The following USF3 variants were observed in gnomAD, a reference collection of about 807,000 sequenced individuals.
USF3 encodes the protein upstream transcription factor family member 3.
Under a neutral mutation model 157.5 loss-of-function variants are expected in USF3, and 29 were observed. The observed-to-expected ratio is 0.18, with a 90% confidence interval of 0.14 to 0.25. USF3 has a LOEUF of 0.25. Among genes scored for constraint, USF3 ranks in the 10% least tolerant of loss-of-function variants. USF3 has a pLI of 1.00. For missense variants in USF3, 2,381 were observed against 2,667.6 expected (o/e 0.89, Z 2.37); for synonymous variants, 893 against 941.4 (o/e 0.95, Z 0.94).
At chr3:113,684,372 T>C (rs1184662869) in intron 1 of USF3, among the ~76,000 whole-genome samples, 1 of 152,126 alleles carries the variant, frequency 6.6e-6, no homozygotes, top group African/African-American at 2.4e-5. Flanking sequence ...TATAACCTCC[T>C]TGGACTTGAA....
In USF3 at chr3:113,649,858, T is replaced by G; in HGVS notation, c.*5086A>C. On this transcript the variant is annotated 3_prime_UTR_variant, in exon 7 of 7. Coordinates refer to ENST00000316407, the MANE Select transcript of USF3 (RefSeq NM_001009899.4). Reference sequence around the variant, plus strand: ...ACAGGTTCTAGTAGAAACCTACGCATGAAGAATAGAATGCAGACAGAATAT... The same window carrying G: ...ACAGGTTCTAGTAGAAACCTACGCAGGAAGAATAGAATGCAGACAGAATAT... 1.4e-6 allele frequency: 1 copy of G among 702,846 alleles called. No individual in the cohort carries two copies. Among genetic ancestry groups the G allele is most frequent in the Non-Finnish European group, 2.6e-6 (1 of 384,894 alleles). The allele number at this position is 702,846 out of a possible 1,614,324, so 43.5% of individuals were successfully genotyped here. A position where few individuals can be genotyped will look rare whatever the true frequency, so the allele number is the denominator to read the frequency against.
rs1947253322 is a variant in USF3, at chr3:113,651,111, T to C, written c.*3833A>G. 6.6e-6 allele frequency: 1 copy of C among 152,230 alleles called. No homozygotes were observed. Among genetic ancestry groups the C allele is most frequent in the Admixed American group, 6.5e-5 (1 of 15,278 alleles). 9.4% of individuals were successfully genotyped at this position (152,230 alleles called of 1,614,324 possible). ...ATGAAGAGAATCTGGAATTTTACCC[T>C]TCATTAGAAGTTATTGTTAAATGTT... On this transcript the variant is annotated 3_prime_UTR_variant, in exon 7 of 7. Coordinates refer to ENST00000316407, the MANE Select transcript of USF3 (RefSeq NM_001009899.4).
At chr3:113,667,144 C>T (rs1221854757) in intron 5 of USF3, among the ~76,000 whole-genome samples, 2 of 151,128 alleles carry the variant, frequency 1.3e-5, no homozygotes, top group African/African-American at 4.8e-5. Flanking sequence ...ACACTGAGTC[C>T]CAACAGAGAC....
chr3:113,665,778 A>G (rs1947555963), intron 5 of USF3, among the ~76,000 whole-genome samples: 1 of 152,240 alleles, frequency 6.6e-6, no homozygotes, highest in South Asian at 2.1e-4. Flanking sequence ...CTGTGAAGTG[A>G]GATCCTGCCA....
At chr3:113,663,899 T>C (rs1226157240) in intron 6 of USF3, among the ~76,000 whole-genome samples, 1 of 152,262 alleles carries the variant, frequency 6.6e-6, no homozygotes, top group East Asian at 1.9e-4. Context: ...TTGGCCTTTT[T>C]TGCTAATGCA....
chr3:113,682,493 A>G (rs1422576452), intron 1 of USF3, among the ~76,000 whole-genome samples: 1 of 152,224 alleles, frequency 6.6e-6, no homozygotes, highest in African/African-American at 2.4e-5. Flanking sequence ...TTTGGTCAAT[A>G]GTGCAAATAA....
At chr3:113,662,758 C>A (rs1245491809) in intron 6 of USF3, among the ~76,000 whole-genome samples, 2 of 152,144 alleles carry the variant, frequency 1.3e-5, no homozygotes, top group Non-Finnish European at 2.9e-5. Flanking sequence ...CAAGCAATTA[C>A]TCTGTGCTAG....
rs1376942872 is a variant in USF3 at position 113,658,500 on chromosome 3, G to A, written c.3182C>T (p.Pro1061Leu). The A allele has an allele frequency of 1.2e-6, 2 of 1,613,686 alleles. No homozygotes were observed. The highest frequency in any genetic ancestry group is 2.2e-5 in the East Asian group (1 of 44,898). ...AGGGAGGCAGGAATGATGCTGTGGAGGATCTCTATCATCATTGTTCATCAG... is the reference window on the plus strand; with the variant it reads ...AGGGAGGCAGGAATGATGCTGTGGAAGATCTCTATCATCATTGTTCATCAG... ...LLLMNNDDRD[P>L]PQHHSCLPDQ... Residue 1061 changes from proline (P) to leucine (L), a missense_variant, in exon 7 of 7, where the codon CCT becomes CTT. Coordinates refer to ENST00000316407, the MANE Select transcript of USF3 (RefSeq NM_001009899.4).
At chr3:113,683,269 T>TTATCTAGTTTTTAATCTATAAAAACTA (rs1707475636) in intron 1 of USF3, among the ~76,000 whole-genome samples, 1 of 149,664 alleles carries the variant, frequency 6.7e-6, no homozygotes, top group Non-Finnish European at 1.5e-5. Context: ...ATAAAAACTA[T>TTATCTAGTTTTTAATCTATAAAAACTA]TATCTAGTTT....
intron 6 of USF3, among the ~76,000 whole-genome samples, chr3:113,662,619 G>C (rs1303030274): frequency 1.3e-5 from 2 of 152,180 alleles, no homozygotes; most frequent in African/African-American, 2.4e-5. Context: ...ACGGACAGTA[G>C]AAATTAAAGA....
intron 1 of USF3, among the ~76,000 whole-genome samples, chr3:113,679,515 G>A (rs1273473424): frequency 1.3e-5 from 2 of 150,278 alleles, no homozygotes; most frequent in African/African-American, 4.9e-5. Context: ...CTGGGTTCAA[G>A]CAATTCTTCT....
chr3:113,686,938 T>G (rs1462970087), intron 1 of USF3, among the ~76,000 whole-genome samples: 16 of 152,064 alleles, frequency 1.1e-4, no homozygotes, highest in Non-Finnish European at 1.5e-5. Flanking sequence ...CTTTTTGTTC[T>G]TTATATTTTG....
At chr3:113,666,568 CTTTT>C (rs775533373) in intron 5 of USF3, among the ~76,000 whole-genome samples, 2 of 109,108 alleles carry the variant, frequency 1.8e-5, no homozygotes, top group African/African-American at 6.9e-5. Flanking sequence ...TTATTGTTTC[CTTTT>C]TTTTTTTTTT....
At chr3:113,693,646 C>A (rs957713213) in intron 1 of USF3, among the ~76,000 whole-genome samples, 1 of 152,132 alleles carries the variant, frequency 6.6e-6, no homozygotes, top group African/African-American at 2.4e-5. Flanking sequence ...TATTCCTTAG[C>A]ATAACATTTG....
rs536513420 is a variant in USF3 at position 113,648,509 on chromosome 3, G to A, written c.*6435C>T. Reference sequence around the variant, plus strand: ...ATAAAAATTTCCAAACTTTAAACAAGAGGATGGTTCAGAATATTCACACCC... The same window carrying A: ...ATAAAAATTTCCAAACTTTAAACAAAAGGATGGTTCAGAATATTCACACCC... On this transcript the variant is annotated 3_prime_UTR_variant, in exon 7 of 7. Coordinates refer to ENST00000316407, the MANE Select transcript of USF3 (RefSeq NM_001009899.4). 6.6e-6 allele frequency: 1 copy of A among 152,638 alleles called. No homozygotes were observed. The highest frequency in any genetic ancestry group is 2.1e-4 in the South Asian group (1 of 4,822). 9.5% of individuals were successfully genotyped at this position (152,638 alleles called of 1,614,324 possible).
intron 1 of USF3, among the ~76,000 whole-genome samples, chr3:113,680,927 T>C (rs1473196733): frequency 6.6e-6 from 1 of 152,230 alleles, no homozygotes; most frequent in Admixed American, 6.5e-5. Flanking sequence ...GATACTGCTT[T>C]TCTAGTTTCT....
rs1707112106 is a variant in USF3, at chr3:113,670,048, T to A, written c.159+73A>T. Reference sequence around the variant, plus strand: ...AAATAGAAAGCAACAAAAATAATCATTCTAAGCACCAAAACAACTTAGGGA... The same window carrying A: ...AAATAGAAAGCAACAAAAATAATCAATCTAAGCACCAAAACAACTTAGGGA... On this transcript the variant is annotated intron_variant, in intron 5 of 6. Transcript: ENST00000316407. The A allele has an allele frequency of 5.1e-6, 5 of 977,276 alleles. No individual in the cohort carries two copies. In the South Asian group the frequency reaches 6.6e-5, roughly 13 times the overall value. 60.5% of individuals were successfully genotyped at this position (977,276 alleles called of 1,614,324 possible).
chr3:113,659,420 T>C lies in USF3; in HGVS notation c.2262A>G (p.Thr754=), dbSNP rs1356123440. 12 of 1,614,142 alleles carry C rather than the reference T, an allele frequency of 7.4e-6. No individual in the cohort carries two copies. Among genetic ancestry groups the C allele is most frequent in the Non-Finnish European group, 8.5e-6 (10 of 1,180,048 alleles). The part of the protein sequence containing the change: ...QTTTANCVSL[T]TTAAPPVTTD... ...TTGTCACAGGAGGTGCTGCAGTTGT[T>C]GTTAATGAAACACAGTTAGCTGTAG... The change falls in exon 7 of 7, where the codon ACA becomes ACG. Residue 754 remains threonine, a synonymous_variant. Coordinates refer to ENST00000316407, the MANE Select transcript of USF3 (RefSeq NM_001009899.4).
intron 1 of USF3, among the ~76,000 whole-genome samples, chr3:113,689,089 C>A (rs1333404325): frequency 1.3e-5 from 2 of 152,140 alleles, no homozygotes; most frequent in African/African-American, 4.8e-5. Context: ...CCCCCATGTA[C>A]CTTTCACCTC....
Sources: allele counts gnomAD v4.1 joint callset (sites outside exome capture counted in the v4.1 genomes callset), GRCh38; gene constraint gnomAD v4.1.1; transcripts MANE v1.5; gene names NCBI Gene and HGNC (gene_info 2026-07-23, HGNC 2026-07-21).